FSTL4: variants seen among roughly 807,000 people sequenced by gnomAD.
FSTL4 encodes follistatin-related protein 4.
FSTL4 carries 28 observed loss-of-function variants against 78.2 expected under a neutral mutation model. The ratio of observed to expected loss-of-function variants is 0.36; its 90% CI spans 0.27 to 0.49. The LOEUF (loss-of-function observed/expected upper bound fraction) is 0.49. Ranked by LOEUF, FSTL4 falls within the 20% of genes least tolerant of loss-of-function variation. FSTL4 has a pLI of 0.98. For missense variants in FSTL4, 922 were observed against 1,084.9 expected (o/e 0.85, Z 2.11); for synonymous variants, 422 against 440.5 (o/e 0.96, Z 0.53).
the FSTL4 span, among the ~76,000 whole-genome samples, chr5:133,618,533 A>AT: frequency 1.3e-5 from 2 of 152,226 alleles, no homozygotes; most frequent in Non-Finnish European, 2.9e-5. Flanking sequence ...GTGCAAAGTG[A>AT]TGTCTAACCC....
chr5:133,400,903 T>A lies in FSTL4; in HGVS notation c.244A>T (p.Thr82Ser), dbSNP rs1756207192. ...RGSRCVLSRK[T>S]GEPECQCLEA... ...AGGCACTGGCATTCGGGCTCCCCTG[T>A]CTTCCTGCTGAGCACGCACCGGCTC... The change falls in exon 4 of 16, where the codon ACA becomes TCA. Residue 82 changes from threonine (T) to serine (S), a missense_variant. Coordinates refer to ENST00000265342, the MANE Select transcript of FSTL4 (RefSeq NM_015082.2). The A allele has an allele frequency of 1.9e-6, 3 of 1,613,816 alleles. No individual in the cohort carries two copies. The highest frequency in any genetic ancestry group is 1.6e-4 in the Middle Eastern group (1 of 6,062).
intron 13 of FSTL4, among the ~76,000 whole-genome samples, chr5:133,211,491 A>G (rs1376315274): frequency 1.3e-5 from 2 of 151,826 alleles, no homozygotes; most frequent in African/African-American, 4.8e-5. Context: ...GTTTTATTTC[A>G]CCCACTCATA....
chr5:133,394,435 C>T (rs1280369085), intron 4 of FSTL4, among the ~76,000 whole-genome samples: 1 of 152,220 alleles, frequency 6.6e-6, no homozygotes, highest in Non-Finnish European at 1.5e-5. Flanking sequence ...GCTTGGTGGG[C>T]CCTGCACTCA....
intron 3 of FSTL4, among the ~76,000 whole-genome samples, chr5:133,537,009 G>A (rs1295628219): frequency 6.6e-6 from 1 of 152,158 alleles, no homozygotes; most frequent in Non-Finnish European, 1.5e-5. Flanking sequence ...CTGGTTCCTA[G>A]AGTACGGCAT....
chr5:133,514,476 G>C (rs1758813719), intron 3 of FSTL4, among the ~76,000 whole-genome samples: 1 of 152,162 alleles, frequency 6.6e-6, no homozygotes, highest in Non-Finnish European at 1.5e-5. Flanking sequence ...ACAAACTTTA[G>C]AAGCTGTCCC....
chr5:133,517,447 A>AAAAATATATATATATATAT (rs1554068019), intron 3 of FSTL4, among the ~76,000 whole-genome samples: 1 of 16,402 alleles, frequency 6.1e-5, no homozygotes, highest in Non-Finnish European at 1.0e-4. Flanking sequence ...AAAAAAAAAA[A>AAAAATATATATATATATAT]ATATATATAT....
At chr5:133,590,145 C>T (rs1032126451) in intron 2 of FSTL4, among the ~76,000 whole-genome samples, 5 of 148,362 alleles carry the variant, frequency 3.4e-5, no homozygotes, top group African/African-American at 1.3e-4. Flanking sequence ...CTTGCTCTGT[C>T]GCTCTGTCAC....
the FSTL4 span, among the ~76,000 whole-genome samples, chr5:133,647,631 A>G: frequency 3.9e-5 from 6 of 152,228 alleles, no homozygotes; most frequent in Non-Finnish European, 7.4e-5. Flanking sequence ...AGGAAGAAGG[A>G]AAGATGCACA....
At chr5:133,498,249 C>T (rs538607508) in intron 3 of FSTL4, among the ~76,000 whole-genome samples, 250 of 152,330 alleles carry the variant, frequency 1.6e-3, no homozygotes, top group African/African-American at 5.9e-3. Context: ...ATTCTCTCAT[C>T]TCTGTCTTCA....
the FSTL4 span, among the ~76,000 whole-genome samples, chr5:133,810,567 T>C: frequency 1.3e-5 from 2 of 152,074 alleles, no homozygotes; most frequent in Non-Finnish European, 2.9e-5. Context: ...GAAGAATATC[T>C]CTCTCTCCTG....
At chr5:133,806,627 G>A in the FSTL4 span, among the ~76,000 whole-genome samples, 3 of 152,186 alleles carry the variant, frequency 2.0e-5, no homozygotes, top group Non-Finnish European at 2.9e-5. Flanking sequence ...ACAGTAACAG[G>A]AACAAACCTT....
rs1021665724 is a variant in FSTL4, at chr5:133,448,021, C to T, written c.161-47035G>A. ...AATTGTCATTTCTCCTCTTTGTTTG[C>T]ATGTGTGAGTACACCATGTTTCACA... On this transcript the variant is annotated intron_variant, in intron 3 of 15. Transcript: ENST00000265342. Among the ~76,000 whole-genome samples the T allele has an allele frequency of 5.3e-5, 8 of 152,144 alleles. No homozygotes were observed. In the South Asian group the frequency reaches 1.7e-3, roughly 32 times the overall value.
At chr5:133,221,906 T>TTTG (rs1561626752) in intron 11 of FSTL4, among the ~76,000 whole-genome samples, 60 of 104,416 alleles carry the variant, frequency 5.7e-4, no homozygotes, top group Middle Eastern at 5.5e-3. Context: ...TTTTTTTTTT[T>TTTG]TTTTTTTTTT....
At chr5:133,286,888 G>C (rs111925802) in intron 6 of FSTL4, among the ~76,000 whole-genome samples, 366 of 152,302 alleles carry the variant, frequency 2.4e-3, no homozygotes, top group Admixed American at 5.0e-3. Flanking sequence ...TCTCCATGGG[G>C]CTTGAATGGA....
chr5:133,323,317 T>C (rs1312626252), intron 4 of FSTL4, among the ~76,000 whole-genome samples: 1 of 152,162 alleles, frequency 6.6e-6, no homozygotes, highest in Non-Finnish European at 1.5e-5. Context: ...TCCAGGGTCA[T>C]AGCATACAAG....
chr5:133,265,189 C>G (rs1752617568), intron 6 of FSTL4, among the ~76,000 whole-genome samples: 1 of 152,028 alleles, frequency 6.6e-6, no homozygotes, highest in South Asian at 2.1e-4. Flanking sequence ...GCGGGCTCCT[C>G]TGCCTGGCAC....
the FSTL4 span, among the ~76,000 whole-genome samples, chr5:133,832,867 T>G: frequency 0.1 from 15,529 of 152,260 alleles, 855 homozygotes; most frequent in Admixed American, 0.15. Context: ...AGCAGCCATA[T>G]ATAATAGTAT....
chr5:133,210,497 ATT>A lies in FSTL4; in HGVS notation c.1609-201_1609-200del, dbSNP rs1247785950. On this transcript the variant is annotated intron_variant, in intron 13 of 15. Transcript: ENST00000265342. ...TATTATTATTATTATTATTATTATT[ATT>A]ATTAATTTTTGAGACGGAGTCTTGC... 1.7e-3 allele frequency among the ~76,000 whole-genome samples: 199 copies of A among 118,774 alleles called. 1 individual carries two copies. The highest frequency in any genetic ancestry group is 5.3e-3 in the African/African-American group (196 of 37,154). The allele number at this position is 118,774 out of a possible 152,430, so 77.9% of individuals were successfully genotyped here.
chr5:133,404,886 C>T (rs1399965828), intron 3 of FSTL4, among the ~76,000 whole-genome samples: 1 of 152,238 alleles, frequency 6.6e-6, no homozygotes, highest in Non-Finnish European at 1.5e-5. Context: ...GACTCAGCCT[C>T]TGTAACCGCT....
Sources: gnomAD v4.1 joint callset for allele counts (sites outside exome capture counted in the v4.1 genomes callset) on GRCh38, gnomAD v4.1.1 for gene constraint, MANE v1.5 for transcripts, NCBI Gene and HGNC (gene_info 2026-07-23, HGNC 2026-07-21) for gene names.